Variants in CDC27 observed in about 807,000 individuals in gnomAD.
The protein encoded by CDC27 is cell division cycle 27, also known as cell division cycle protein 27 homolog.
A neutral mutation model predicts 109.7 loss-of-function variants in CDC27; 27 were observed. The ratio of observed to expected loss-of-function variants is 0.25; its 90% CI spans 0.18 to 0.34. The LOEUF (loss-of-function observed/expected upper bound fraction) is 0.34, where lower values mean the gene tolerates loss of function less well. Among genes scored for constraint, CDC27 ranks in the 10% least tolerant of loss-of-function variants. CDC27 has a pLI of 1.00. For synonymous variants in CDC27, 266 were observed against 333.9 expected, an observed-to-expected ratio of 0.80 and a Z score of 2.22; for missense variants, 579 against 960.2, an observed-to-expected ratio of 0.60 and a Z score of 5.25.
intron 14 of CDC27, among the ~76,000 whole-genome samples, chr17:47,135,864 C>T (rs966065063): frequency 2.0e-5 from 3 of 152,016 alleles, no homozygotes; most frequent in African/African-American, 4.8e-5. Flanking sequence ...AGTTCCTGGC[C>T]GGGTATGGTG....
At chr17:47,130,218 G>A (rs546787496) in intron 15 of CDC27, among the ~76,000 whole-genome samples, 13 of 152,054 alleles carry the variant, frequency 8.5e-5, no homozygotes, top group Non-Finnish European at 1.2e-4. Context: ...AAAATTAGCC[G>A]GGCGTGGTGT....
intron 14 of CDC27, among the ~76,000 whole-genome samples, chr17:47,133,006 TATATATATATATATATATATATAC>T (rs1441520220): frequency 5.3e-5 from 2 of 37,492 alleles, no homozygotes; most frequent in African/African-American, 1.6e-4. Flanking sequence ...TATATATATA[TATATATATATATATATATATATAC>T]ACACACACAC....
chr17:47,133,062 T>TAGAC (rs373677958), intron 14 of CDC27, among the ~76,000 whole-genome samples: 1 of 73,724 alleles, frequency 1.4e-5, no homozygotes. Context: ...CACATACATA[T>TAGAC]ACACACACAC....
Position 47,181,755 on chromosome 17 carries a change from C to G in CDC27, c.28-118G>C, listed in dbSNP as rs571791692. On this transcript the variant is annotated intron_variant, in intron 1 of 18. Coordinates refer to ENST00000066544, the MANE Select transcript of CDC27 (RefSeq NM_001256.6). ...ATATCCCTAATTTAAGTGATAAAACCCCAATGCCCACAGAGCAAACTCCAG... is the reference window on the plus strand; with the variant it reads ...ATATCCCTAATTTAAGTGATAAAACGCCAATGCCCACAGAGCAAACTCCAG... 5.7e-6 allele frequency: 3 copies of G among 530,650 alleles called. No homozygotes were observed. In the South Asian group the frequency reaches 8.0e-5, roughly 14 times the overall value. 32.9% of individuals were successfully genotyped at this position (530,650 alleles called of 1,614,324 possible).
At chr17:47,122,893 CA>C in intron 17 of CDC27, among the ~76,000 whole-genome samples, 1 of 152,222 alleles carries the variant, frequency 6.6e-6, no homozygotes, top group Admixed American at 6.5e-5. Flanking sequence ...AGGCTACTCT[CA>C]AACTCCTGAC....
chr17:47,159,620 CA>C (rs1226597965), intron 4 of CDC27: 13 of 464,492 alleles, frequency 2.8e-5, no homozygotes, highest in South Asian at 2.1e-4. Context: ...GATGGCCCTG[CA>C]GATGGCAGTG....
At chr17:47,169,729 C>A in intron 4 of CDC27, 188 bp downstream of exon 4, 1 of 378,314 alleles carries the variant, frequency 2.6e-6, no homozygotes, top group Non-Finnish European at 4.7e-6. Context: ...TAGCTATTAT[C>A]AGTAAGGATA....
intron 15 of CDC27, among the ~76,000 whole-genome samples, 160 bp downstream of exon 15, chr17:47,132,097 T>TTTTG (rs1474721512): frequency 6.6e-6 from 1 of 150,890 alleles, no homozygotes; most frequent in East Asian, 2.0e-4. Context: ...TCTGTGATTT[T>TTTTG]TTATGCTAAG....
chr17:47,133,064 CACACACACACACACACACACAA>C (rs1257644267), intron 14 of CDC27, among the ~76,000 whole-genome samples: 23 of 56,964 alleles, frequency 4.0e-4, no homozygotes, highest in African/African-American at 1.5e-3. Flanking sequence ...CATACATATA[CACACACACACACACACACACAA>C]ACACACACAC....
At chr17:47,132,642 T>C (rs530926948) in intron 14 of CDC27, among the ~76,000 whole-genome samples, 42 of 150,874 alleles carry the variant, frequency 2.8e-4, no homozygotes, top group Admixed American at 2.2e-3. Context: ...CATAGCTCAC[T>C]GCATCCTTGA....
chr17:47,126,604 C>T lies in CDC27; in HGVS notation c.2161-2644G>A, dbSNP rs1242994472. Among the ~76,000 whole-genome samples, 10 of 152,190 alleles carry T rather than the reference C, an allele frequency of 6.6e-5. No individual in the cohort carries two copies. In the South Asian group the frequency reaches 1.2e-3, roughly 19 times the overall value. On this transcript the variant is annotated intron_variant, in intron 16 of 18. Transcript: ENST00000066544. ...ACTTGGGTTTCTTGAAGCAAGTAAA[C>T]GCTGATTTATGTGGCCTATCTGGTA...
intron 2 of CDC27, 173 bp downstream of exon 2, chr17:47,181,389 A>G (rs1208015690): frequency 1.8e-5 from 7 of 399,450 alleles, no homozygotes; most frequent in African/African-American, 6.0e-5. Context: ...ATAGTTATTA[A>G]AAGTAGTATG....
chr17:47,176,365 T>G (rs2064006105), intron 2 of CDC27, among the ~76,000 whole-genome samples: 1 of 152,228 alleles, frequency 6.6e-6, no homozygotes, highest in Non-Finnish European at 1.5e-5. Flanking sequence ...ATGAATACTA[T>G]TCTCAATGTT....
intron 4 of CDC27, among the ~76,000 whole-genome samples, chr17:47,158,942 G>T (rs1322993140): frequency 6.6e-6 from 1 of 152,044 alleles, no homozygotes; most frequent in Non-Finnish European, 1.5e-5. Context: ...CGTCGAGATG[G>T]GGTTTTGCCA....
At position 47,175,029 on chromosome 17, in the gene CDC27, A is replaced by AAG. The variant is rs200785494; in HGVS notation, c.104-2967_104-2966dup. Among the ~76,000 whole-genome samples, 699 of 143,570 alleles carry AAG rather than the reference A, an allele frequency of 4.9e-3. 5 individuals carry two copies. Among genetic ancestry groups the AAG allele is most frequent in the Admixed American group, 8.8e-3 (119 of 13,562 alleles). 94.2% of individuals were successfully genotyped at this position (143,570 alleles called of 152,430 possible). A position where few individuals can be genotyped will look rare whatever the true frequency, so the allele number is the denominator to read the frequency against. Reference sequence around the variant, plus strand: ...AGAGAGAGAAAGAAAGAAAGAGAGAAAGAGAGAGAGAGGAAGGAAGGAAGG... The same window carrying AAG: ...AGAGAGAGAAAGAAAGAAAGAGAGAAAGAGAGAGAGAGAGGAAGGAAGGAAGG... On this transcript the variant is annotated intron_variant, in intron 2 of 18. Transcript: ENST00000066544.
chr17:47,139,008 T>C, intron 12 of CDC27, 117 bp from the exon 13 acceptor site: 1 of 642,470 alleles, frequency 1.6e-6, no homozygotes, highest in Non-Finnish European at 2.6e-6. Flanking sequence ...TTATGGTTTT[T>C]ATGTGAATGA....
chr17:47,185,027 G>A (rs1016597369), intron 1 of CDC27, among the ~76,000 whole-genome samples: 1 of 152,130 alleles, frequency 6.6e-6, no homozygotes, highest in Non-Finnish European at 1.5e-5. Context: ...TAATGGGTTA[G>A]TCCCCAGGTG....
chr17:47,134,591 T>C (rs543966823), intron 14 of CDC27, among the ~76,000 whole-genome samples: 1 of 152,116 alleles, frequency 6.6e-6, no homozygotes, highest in Admixed American at 6.6e-5. Flanking sequence ...TTTTCCTGCC[T>C]CAGTCTCCCA....
At chr17:47,148,758 A>G (rs2063056448) in intron 9 of CDC27, among the ~76,000 whole-genome samples, 1 of 152,186 alleles carries the variant, frequency 6.6e-6, no homozygotes, top group Non-Finnish European at 1.5e-5. Context: ...AAAAACCAGT[A>G]AAGCAACATC....
Sources: gnomAD v4.1 joint callset for allele counts (sites outside exome capture counted in the v4.1 genomes callset) on GRCh38, gnomAD v4.1.1 for gene constraint, MANE v1.5 for transcripts, NCBI Gene and HGNC (gene_info 2026-07-23, HGNC 2026-07-21) for gene names.